Variants in TULP1 observed in about 807,000 individuals in gnomAD.
TULP1 encodes tubby-related protein 1.
Under a neutral mutation model 67.1 loss-of-function variants are expected in TULP1, and 50 were observed. That is an observed-to-expected ratio of 0.75 (90% CI 0.59 to 0.94). The LOEUF (loss-of-function observed/expected upper bound fraction) is 0.94. Among genes scored for constraint, TULP1 ranks in the 40% least tolerant of loss-of-function variants. The probability of loss-of-function intolerance (pLI) is 0.00; values close to 1 mark genes in which losing one functional copy is unlikely to be tolerated. For missense variants in TULP1, 746 were observed against 734.1 expected, an observed-to-expected ratio of 1.02 and a Z score of -0.19; for synonymous variants, 297 against 294.0, an observed-to-expected ratio of 1.01 and a Z score of -0.11.
chr6:35,505,817 TGCTCC>T lies in TULP1; in HGVS notation c.1031_1035del (p.Arg344GlnfsTer38). 3 of 1,614,182 alleles carry T rather than the reference TGCTCC, an allele frequency of 1.9e-6. No individual in the cohort carries two copies. Among genetic ancestry groups the T allele is most frequent in the Non-Finnish European group, 2.5e-6 (3 of 1,180,032 alleles). ...ATGGAGATGAGGTAATTGGCTGTCT[TGCTCC>T]GTTTTCGTTTCCTGCCAGCCAAGAG... On this transcript the variant is annotated frameshift_variant, in exon 11 of 15. Transcript: ENST00000229771. LOFTEE classifies it high-confidence loss of function.
rs947374544 is a variant in TULP1 at position 35,503,353 on chromosome 6, T to A, written c.1323+206A>T. On this transcript the variant is annotated intron_variant, in intron 13 of 14. Coordinates refer to ENST00000229771, the MANE Select transcript of TULP1 (RefSeq NM_003322.6). This position sits in a 1 kb window ranked among gnomAD's most constrained non-coding sequence, Gnocchi z 4.0. ...GAATGGATGTAATATATGAATTTGATGTAAACTCCAAAAACAACCAAAAAG... is the reference window on the plus strand; with the variant it reads ...GAATGGATGTAATATATGAATTTGAAGTAAACTCCAAAAACAACCAAAAAG... 1.7e-6 allele frequency: 1 copy of A among 599,370 alleles called. No individual in the cohort carries two copies. Among genetic ancestry groups the A allele is most frequent in the African/African-American group, 1.9e-5 (1 of 53,834 alleles). 37.1% of individuals were successfully genotyped at this position (599,370 alleles called of 1,614,324 possible).
rs1340647178 is a variant in TULP1, at chr6:35,498,605, C to T, written c.1496-145G>A. ...ACCATCTCAGTTACTCAACACCCAT[C>T]CCTTCTTCTATCTCACTCCACACCA... On this transcript the variant is annotated intron_variant, in intron 14 of 14. Transcript: ENST00000229771. The surrounding 1 kb of genome is among the most constrained non-coding windows in gnomAD (Gnocchi z 6.7). 4 of 1,266,664 alleles carry T rather than the reference C, an allele frequency of 3.2e-6. No homozygotes were observed. Among genetic ancestry groups the T allele is most frequent in the East Asian group, 2.5e-5 (1 of 39,644 alleles). 78.5% of individuals were successfully genotyped at this position (1,266,664 alleles called of 1,614,324 possible).
In TULP1 at chr6:35,506,156, C is replaced by G. The variant is rs149980694; in HGVS notation, c.846G>C (p.Pro282=). The G allele has an allele frequency of 5.6e-6, 9 of 1,613,400 alleles. No individual in the cohort carries two copies. The African/African-American group carries it at 1.2e-4, about 22-fold the overall frequency. The change falls in exon 10 of 15, where the codon CCG becomes CCC. Residue 282 remains proline (P), a synonymous_variant. Transcript: ENST00000229771. ...GTTCGTCCACCTCCACGGGGGGAGA[C>G]GGGGCCCTCTCCTCCTTCTGGGTGG... is the stretch of plus-strand genomic sequence containing the variant. The part of the protein sequence containing the change: ...GKKKAKEERA[P]SPPVEVDEPR...
intron 13 of TULP1, among the ~76,000 whole-genome samples, 180 bp from the exon 14 acceptor site, chr6:35,500,332 C>T (rs1449892693): frequency 1.3e-5 from 2 of 152,178 alleles, no homozygotes; most frequent in Admixed American, 6.5e-5. Flanking sequence ...ACAGGGTTCA[C>T]ATCTGTGAGA....
In TULP1 at chr6:35,509,313, C is replaced by T; in HGVS notation, c.719-1G>A. 6.2e-7 allele frequency: 1 copy of T among 1,614,002 alleles called. No individual in the cohort carries two copies. Among genetic ancestry groups the T allele is most frequent in the Non-Finnish European group, 8.5e-7 (1 of 1,179,930 alleles). On this transcript the variant is annotated splice_acceptor_variant, in intron 7 of 14. Transcript: ENST00000229771. LOFTEE classifies it high-confidence loss of function. ...TCCTTCCTCGCGCCTTTGGGAGTGC[C>T]TGAGCGTGGAGGGGGAAACAAGGCT... is the stretch of plus-strand genomic sequence containing the variant.
Position 35,505,797 on chromosome 6 carries a change from G to A in TULP1, c.1056C>T (p.Ile352=). 6.2e-7 allele frequency: 1 copy of A among 1,614,198 alleles called. No individual in the cohort carries two copies. Among genetic ancestry groups the A allele is most frequent in the South Asian group, 1.1e-5 (1 of 91,088 alleles). The change falls in exon 11 of 15, where the codon ATC becomes ATT. Residue 352 remains isoleucine, a synonymous_variant. Transcript: ENST00000229771. The stretch of plus-strand genomic sequence containing the variant: ...GGGACAGATTGGTAGGGTCGATGGA[G>A]ATGAGGTAATTGGCTGTCTTGCTCC... ...RKRSKTANYL[I]SIDPTNLSRG... is the part of the protein sequence containing the mutation.
At chr6:35,512,567 AC>A (rs1281829761) in intron 2 of TULP1, 71 bp downstream of exon 2, 30 of 1,598,194 alleles carry the variant, frequency 1.9e-5, no homozygotes, top group Admixed American at 8.4e-5. Context: ...CCACCCCTAG[AC>A]CCCCTACCCT....
chr6:35,503,681 G>A lies in TULP1; in HGVS notation c.1225-24C>T, dbSNP rs374816898. ...TCCTGGGAAGGAAACAGATGCCTGT[G>A]AGGCCAGCCCCTGTAAGGGGAGCAG... On this transcript the variant is annotated intron_variant, in intron 12 of 14. Coordinates refer to ENST00000229771, the MANE Select transcript of TULP1 (RefSeq NM_003322.6). The surrounding 1 kb of genome is among the most constrained non-coding windows in gnomAD (Gnocchi z 4.0). 1 of 1,598,780 alleles carries A rather than the reference G, an allele frequency of 6.3e-7. No homozygotes were observed. The highest frequency in any genetic ancestry group is 8.5e-7 in the Non-Finnish European group (1 of 1,173,014).
intron 8 of TULP1, among the ~76,000 whole-genome samples, chr6:35,507,298 C>G (rs1761106501): frequency 6.6e-6 from 1 of 151,036 alleles, no homozygotes; most frequent in Admixed American, 6.6e-5. Context: ...CCACAGGGAA[C>G]TATTTTAGAA....
At chr6:35,499,054 T>C (rs1262702028) in intron 14 of TULP1, among the ~76,000 whole-genome samples, 1 of 152,116 alleles carries the variant, frequency 6.6e-6, no homozygotes, top group African/African-American at 2.4e-5. Context: ...ACAGGACAGG[T>C]GGCACTGGGG....
chr6:35,506,376 C>T lies in TULP1; in HGVS notation c.823-97G>A, dbSNP rs965188112. ...CCTCATGCTCCCTGGCAGCCCGGCA[C>T]GGCCAAGTTAGGAGGCTCTGGGGAG... On this transcript the variant is annotated intron_variant, in intron 8 of 14. Transcript: ENST00000229771. 100 of 1,491,224 alleles carry T rather than the reference C, an allele frequency of 6.7e-5. No homozygotes were observed. In the African/African-American group the frequency reaches 1.1e-3, roughly 17 times the overall value. 92.4% of individuals were successfully genotyped at this position (1,491,224 alleles called of 1,614,324 possible).
At chr6:35,502,775 A>G (rs1760994368) in intron 13 of TULP1, among the ~76,000 whole-genome samples, 1 of 152,072 alleles carries the variant, frequency 6.6e-6, no homozygotes, top group African/African-American at 2.4e-5. Context: ...CTGGGGATAC[A>G]GGTGTGAGCC....
intron 4 of TULP1, among the ~76,000 whole-genome samples, chr6:35,511,364 A>G (rs949922971): frequency 5.3e-5 from 8 of 152,168 alleles, no homozygotes; most frequent in Non-Finnish European, 1.0e-4. Context: ...ACCTTGAGTC[A>G]GACCCATCTG....
chr6:35,510,625 T>A, intron 5 of TULP1: 1 of 753,242 alleles, frequency 1.3e-6, no homozygotes, highest in East Asian at 2.8e-5. Context: ...TCCTCTGTCC[T>A]CCTCTGCCTC....
At position 35,505,988 on chromosome 6, in the gene TULP1, C is replaced by T. The variant is rs1291883440; in HGVS notation, c.999+15G>A. On this transcript the variant is annotated intron_variant, in intron 10 of 14. Transcript: ENST00000229771. ...TCCCTCCACACTCCCTCCTCTGCTGCCTCTCCCCACCCACCTTCTTCTCCG... is the reference window on the plus strand; with the variant it reads ...TCCCTCCACACTCCCTCCTCTGCTGTCTCTCCCCACCCACCTTCTTCTCCG... 1.2e-6 allele frequency: 2 copies of T among 1,614,118 alleles called. No homozygotes were observed. Among genetic ancestry groups the T allele is most frequent in the Non-Finnish European group, 1.7e-6 (2 of 1,180,042 alleles).
chr6:35,509,518 T>C, intron 7 of TULP1, 116 bp downstream of exon 7: 1 of 1,197,624 alleles, frequency 8.3e-7, no homozygotes, highest in South Asian at 1.2e-5. Context: ...GTTGTCTGAC[T>C]CTAGACCTGG....
In TULP1 at chr6:35,509,279, T is replaced by A. The variant is rs539113417; in HGVS notation, c.752A>T (p.Glu251Val). 1 of 1,613,890 alleles carries A rather than the reference T, an allele frequency of 6.2e-7. No individual in the cohort carries two copies. Among genetic ancestry groups the A allele is most frequent in the South Asian group, 1.1e-5 (1 of 91,072 alleles). The change falls in exon 8 of 15, where the codon GAG becomes GTG. Residue 251 changes from glutamate to valine, a missense_variant. Glu to Val is a moderately radical substitution (Grantham distance 121). Coordinates refer to ENST00000229771, the MANE Select transcript of TULP1 (RefSeq NM_003322.6). ...TATCACCGTAGCTGCCTCCTCCTCC[T>A]CTTCTTCCTCCTTCCTCGCGCCTTT... ...TPKGARKEEE[E>V]EEEAATVIKK...
chr6:35,505,714 C>CCCCAGCCCCAGGAAG (rs769586513), intron 11 of TULP1, 27 bp downstream of exon 11: 7 of 1,613,146 alleles, frequency 4.3e-6, no homozygotes, highest in Non-Finnish European at 5.1e-6. Context: ...ACCCAAGTCC[C>CCCCAGCCCCAGGAAG]CCCAGCCCCA....
At position 35,506,355 on chromosome 6, in the gene TULP1, A is replaced by G. The variant is rs77451375; in HGVS notation, c.823-76T>C. On this transcript the variant is annotated intron_variant, in intron 8 of 14. Transcript: ENST00000229771. ...GGAGGCGGGGAAGCCACTGCCCCTC[A>G]TGCTCCCTGGCAGCCCGGCACGGCC... 9.0e-3 allele frequency: 13,828 copies of G among 1,541,028 alleles called. 1,391 individuals carry two copies. The Admixed American group carries it at 0.19, about 21-fold the overall frequency.
Sources: gnomAD v4.1 joint callset for allele counts (sites outside exome capture counted in the v4.1 genomes callset) on GRCh38, gnomAD v4.1.1 for gene constraint, Gnocchi (gnomAD v3.1) non-coding constraint, MANE v1.5 for transcripts, NCBI Gene and HGNC (gene_info 2026-07-23, HGNC 2026-07-21) for gene names.